Variants in ADAMTS3 observed in about 807,000 individuals in gnomAD.
ADAMTS3 encodes ADAM metallopeptidase with thrombospondin type 1 motif 3.
A neutral mutation model predicts 129.0 loss-of-function variants in ADAMTS3; 73 were observed. That is an observed-to-expected ratio of 0.57 (90% CI 0.47 to 0.69). The LOEUF (loss-of-function observed/expected upper bound fraction) is 0.69, where lower values mean the gene tolerates loss of function less well. Among genes scored for constraint, ADAMTS3 ranks in the 30% least tolerant of loss-of-function variants. The pLI is 0.00. For synonymous variants in ADAMTS3, 477 were observed against 510.8 expected, an observed-to-expected ratio of 0.93 and a Z score of 0.89; for missense variants, 1,457 against 1,514.5, an observed-to-expected ratio of 0.96 and a Z score of 0.63.
In ADAMTS3 at chr4:72,523,511, T is replaced by C. The variant is rs185248798; in HGVS notation, c.504+24967A>G. Among the ~76,000 whole-genome samples, 10 of 152,218 alleles carry C rather than the reference T, an allele frequency of 6.6e-5. No homozygotes were observed. The East Asian group carries it at 1.5e-3, about 23-fold the overall frequency. On this transcript the variant is annotated intron_variant, in intron 3 of 21. Coordinates refer to ENST00000286657, the MANE Select transcript of ADAMTS3 (RefSeq NM_014243.3). Reference sequence around the variant, plus strand: ...TATAAAGAAATACACAGAAAACTTATTGTCTGCCCAGCATAACATGTGAAA... The same window carrying C: ...TATAAAGAAATACACAGAAAACTTACTGTCTGCCCAGCATAACATGTGAAA...
At chr4:72,360,230 C>T (rs1453004811) in intron 4 of ADAMTS3, among the ~76,000 whole-genome samples, 1 of 151,998 alleles carries the variant, frequency 6.6e-6, no homozygotes, top group Admixed American at 6.6e-5. Flanking sequence ...GGAGGTTTTT[C>T]CTCGAATTTC....
chr4:72,562,092 C>T (rs1195981409), intron 2 of ADAMTS3, among the ~76,000 whole-genome samples: 1 of 152,086 alleles, frequency 6.6e-6, no homozygotes, highest in Non-Finnish European at 1.5e-5. Flanking sequence ...AATAAAATTA[C>T]AAAAACATTT....
At chr4:72,339,306 G>A (rs1380480495) in intron 5 of ADAMTS3, among the ~76,000 whole-genome samples, 188 bp downstream of exon 5, 1 of 151,982 alleles carries the variant, frequency 6.6e-6, no homozygotes, top group African/African-American at 2.4e-5. Context: ...AGAAACTTTC[G>A]CTTCATGCTT....
chr4:72,436,362 G>A (rs1222126707), intron 3 of ADAMTS3, among the ~76,000 whole-genome samples: 1 of 152,124 alleles, frequency 6.6e-6, no homozygotes, highest in Non-Finnish European at 1.5e-5. Context: ...AACAACAGGT[G>A]CTGGAGAGGA....
intron 3 of ADAMTS3, among the ~76,000 whole-genome samples, chr4:72,449,902 A>C (rs1456959284): frequency 2.6e-5 from 4 of 151,408 alleles, no homozygotes; most frequent in Non-Finnish European, 1.5e-5. Context: ...CTTCCTCACC[A>C]CCCATTCTAA....
chr4:72,302,408 G>A (rs1480702051), intron 17 of ADAMTS3, among the ~76,000 whole-genome samples: 1 of 151,812 alleles, frequency 6.6e-6, no homozygotes, highest in East Asian at 1.9e-4. Flanking sequence ...GATCACCTAA[G>A]AGAAATAGTG....
intron 16 of ADAMTS3, among the ~76,000 whole-genome samples, chr4:72,304,360 G>A (rs2109788810): frequency 6.6e-6 from 1 of 152,064 alleles, no homozygotes; most frequent in South Asian, 2.1e-4. Flanking sequence ...TCGTCAAAGA[G>A]GTTAATAGTT....
chr4:72,324,145 C>G (rs1399987532), intron 5 of ADAMTS3, among the ~76,000 whole-genome samples: 1 of 152,146 alleles, frequency 6.6e-6, no homozygotes, highest in Non-Finnish European at 1.5e-5. Flanking sequence ...GAGATTTGAA[C>G]AGTAGACACA....
intron 3 of ADAMTS3, among the ~76,000 whole-genome samples, chr4:72,428,579 T>C (rs902645751): frequency 6.6e-6 from 1 of 152,044 alleles, no homozygotes. Flanking sequence ...CATATTAACA[T>C]ACCTAATTTC....
intron 2 of ADAMTS3, among the ~76,000 whole-genome samples, chr4:72,560,045 C>T (rs1435912909): frequency 6.6e-6 from 1 of 151,562 alleles, no homozygotes; most frequent in African/African-American, 2.4e-5. Flanking sequence ...CACTGCACAT[C>T]TACAACCTTA....
In ADAMTS3 at chr4:72,489,169, G is replaced by C. The variant is rs117838678; in HGVS notation, c.504+59309C>G. ...AGGTTTCCCTATCCATTCATACATT[G>C]ACAGACATTTAGGTTGTTTCCCTAT... is the stretch of plus-strand genomic sequence containing the variant. On this transcript the variant is annotated intron_variant, in intron 3 of 21. Coordinates refer to ENST00000286657, the MANE Select transcript of ADAMTS3 (RefSeq NM_014243.3). 2.0e-4 allele frequency among the ~76,000 whole-genome samples: 31 copies of C among 151,986 alleles called. No homozygotes were observed. In the East Asian group the frequency reaches 5.8e-3, roughly 28 times the overall value.
chr4:72,310,982 T>A lies in ADAMTS3; in HGVS notation c.2055+66A>T, dbSNP rs572298223. On this transcript the variant is annotated intron_variant, in intron 14 of 21. Transcript: ENST00000286657. ...ATAAAATAGTTTAAAAAATTAAAAATGTGCAGATGAATGACAGTAAACGTA... is the reference window on the plus strand; with the variant it reads ...ATAAAATAGTTTAAAAAATTAAAAAAGTGCAGATGAATGACAGTAAACGTA... 6 of 1,394,478 alleles carry A rather than the reference T, an allele frequency of 4.3e-6. No individual in the cohort carries two copies. The African/African-American group carries it at 8.8e-5, about 20-fold the overall frequency. 86.4% of individuals were successfully genotyped at this position (1,394,478 alleles called of 1,614,324 possible). A position where few individuals can be genotyped will look rare whatever the true frequency, so the allele number is the denominator to read the frequency against.
intron 4 of ADAMTS3, among the ~76,000 whole-genome samples, chr4:72,377,980 G>A (rs1011515762): frequency 4.6e-5 from 7 of 152,006 alleles, no homozygotes; most frequent in Admixed American, 6.6e-5. Context: ...CTGCATACTC[G>A]GAGTAATGAT....
intron 2 of ADAMTS3, among the ~76,000 whole-genome samples, chr4:72,562,645 A>T (rs1271288531): frequency 6.6e-6 from 1 of 152,236 alleles, no homozygotes; most frequent in Non-Finnish European, 1.5e-5. Flanking sequence ...AAATTATAAC[A>T]GCAGTTTGGG....
At chr4:72,548,413 A>AGTT in intron 3 of ADAMTS3, 65 bp downstream of exon 3, 2 of 1,529,630 alleles carry the variant, frequency 1.3e-6, no homozygotes, top group Non-Finnish European at 1.8e-6. Flanking sequence ...CTTCCAAACT[A>AGTT]TGCAGAAGCC....
At chr4:72,365,101 T>A (rs535848374) in intron 4 of ADAMTS3, among the ~76,000 whole-genome samples, 1 of 152,308 alleles carries the variant, frequency 6.6e-6, no homozygotes, top group Admixed American at 6.5e-5. Context: ...TTGAAGAATT[T>A]CATACTTGCA....
intron 5 of ADAMTS3, among the ~76,000 whole-genome samples, chr4:72,332,113 C>A (rs745541881): frequency 6.6e-6 from 1 of 152,122 alleles, no homozygotes; most frequent in Non-Finnish European, 1.5e-5. Context: ...ATGTAAGAAA[C>A]GGATTATAGA....
At chr4:72,352,045 G>A (rs1224242788) in intron 4 of ADAMTS3, among the ~76,000 whole-genome samples, 3 of 151,924 alleles carry the variant, frequency 2.0e-5, no homozygotes, top group Non-Finnish European at 4.4e-5. Flanking sequence ...GCACAATGGC[G>A]ATTCATGGTA....
chr4:72,339,869 C>A (rs1720090679), intron 4 of ADAMTS3, among the ~76,000 whole-genome samples, 176 bp from the exon 5 acceptor site: 1 of 152,194 alleles, frequency 6.6e-6, no homozygotes, highest in Non-Finnish European at 1.5e-5. Flanking sequence ...GACAGACCTG[C>A]TACAAATTGA....
Sources: allele counts gnomAD v4.1 joint callset (sites outside exome capture counted in the v4.1 genomes callset), GRCh38; gene constraint gnomAD v4.1.1; transcripts MANE v1.5; gene names NCBI Gene and HGNC (gene_info 2026-07-23, HGNC 2026-07-21).